NEMP2: variants seen among roughly 807,000 people sequenced by gnomAD.
NEMP2 encodes nuclear envelope integral membrane protein 2.
In NEMP2, 53 loss-of-function variants were observed where a neutral mutation model predicts 54.2. The observed-to-expected ratio is 0.98, with a 90% CI of 0.78 to 1.23. NEMP2 has a LOEUF of 1.23. NEMP2 is among the 50% of genes most tolerant of loss of function. The pLI is 0.00. For synonymous variants in NEMP2, 197 were observed against 190.3 expected (o/e 1.04, Z -0.29); for missense variants, 455 against 511.3 (o/e 0.89, Z 1.06).
chr2:190,442,678 T>A, the NEMP2 span: 1 of 152,128 alleles, frequency 6.6e-6, no homozygotes, highest in Non-Finnish European at 1.5e-5. Flanking sequence ...TCCAGCTTGG[T>A]ATGGTAATTC....
the NEMP2 span, among the ~76,000 whole-genome samples, chr2:190,425,432 A>G: frequency 4.6e-5 from 7 of 152,216 alleles, no homozygotes; most frequent in Non-Finnish European, 8.8e-5. This position sits in a 1 kb window ranked among gnomAD's most constrained non-coding sequence, Gnocchi z 4.3. Flanking sequence ...AAAAGCATTC[A>G]GTCTTTCACC....
chr2:190,500,568 G>A (rs115461928), downstream of NEMP2: 2,264 of 218,006 alleles, frequency 0.01, 57 homozygotes, highest in African/African-American at 0.047. This position sits in a 1 kb window ranked among gnomAD's most constrained non-coding sequence, Gnocchi z 5.3. Flanking sequence ...AAAGTGTTTC[G>A]AGGTGAATGT....
At chr2:190,497,930 T>TA in the NEMP2 span, 2 of 459,654 alleles carry the variant, frequency 4.4e-6, no homozygotes, top group African/African-American at 1.9e-5. This position sits in a 1 kb window ranked among gnomAD's most constrained non-coding sequence, Gnocchi z 5.2. Flanking sequence ...CTTATGGAGT[T>TA]CAGGAAAACT....
the NEMP2 span, among the ~76,000 whole-genome samples, chr2:190,426,516 T>G: frequency 6.6e-6 from 1 of 152,182 alleles, no homozygotes; most frequent in African/African-American, 2.4e-5. The surrounding 1 kb of genome is among the most constrained non-coding windows in gnomAD (Gnocchi z 4.7). Flanking sequence ...GTACAATGCA[T>G]GTTTGTTACA....
the NEMP2 span, among the ~76,000 whole-genome samples, chr2:190,547,515 T>C: frequency 6.6e-6 from 1 of 152,152 alleles, no homozygotes; most frequent in African/African-American, 2.4e-5. This position sits in a 1 kb window ranked among gnomAD's most constrained non-coding sequence, Gnocchi z 6.2. Context: ...AATAGCAAAA[T>C]TGCAAATACT....
chr2:190,605,521 C>T, the NEMP2 span, among the ~76,000 whole-genome samples: 1 of 151,934 alleles, frequency 6.6e-6, no homozygotes, highest in Admixed American at 6.6e-5. Context: ...ACTACAGGCC[C>T]CCACCACCAC....
chr2:190,546,371 T>C, the NEMP2 span, among the ~76,000 whole-genome samples: 1 of 152,246 alleles, frequency 6.6e-6, no homozygotes, highest in East Asian at 1.9e-4. The surrounding 1 kb of genome is among the most constrained non-coding windows in gnomAD (Gnocchi z 5.1). Flanking sequence ...TAATCTAAAG[T>C]GTATGGGAAG....
chr2:190,424,700 C>A, the NEMP2 span, among the ~76,000 whole-genome samples: 15 of 152,142 alleles, frequency 9.9e-5, no homozygotes, highest in Non-Finnish European at 1.8e-4. The surrounding 1 kb of genome is among the most constrained non-coding windows in gnomAD (Gnocchi z 5.9). Flanking sequence ...GGTTACCTTT[C>A]CACCATTGAA....
At chr2:190,489,272 A>G in the NEMP2 span, among the ~76,000 whole-genome samples, 1 of 152,204 alleles carries the variant, frequency 6.6e-6, no homozygotes, top group Non-Finnish European at 1.5e-5. The surrounding 1 kb of genome is among the most constrained non-coding windows in gnomAD (Gnocchi z 6.6). Context: ...CTGTCTTGTC[A>G]TATCTTCCTT....
chr2:190,446,555 T>C, the NEMP2 span, among the ~76,000 whole-genome samples: 45 of 152,320 alleles, frequency 3.0e-4, no homozygotes, highest in African/African-American at 9.9e-4. Flanking sequence ...AAAAAAATTA[T>C]CTGGCAGTGT....
the NEMP2 span, among the ~76,000 whole-genome samples, chr2:190,464,689 C>T: frequency 6.6e-6 from 1 of 152,100 alleles, no homozygotes; most frequent in Non-Finnish European, 1.5e-5. Context: ...AGGGTCTCTC[C>T]TGTGTGGTCC....
chr2:190,525,486 C>A lies in NEMP2; in HGVS notation c.98-108G>T, dbSNP rs1690901070. 1 of 592,880 alleles carries A rather than the reference C, an allele frequency of 1.7e-6. No individual in the cohort carries two copies. The highest frequency in any genetic ancestry group is 3.0e-6 in the Non-Finnish European group (1 of 333,116). 36.7% of individuals were successfully genotyped at this position (592,880 alleles called of 1,614,324 possible). On this transcript the variant is annotated intron_variant, in intron 1 of 8. Coordinates refer to ENST00000409150, the MANE Select transcript of NEMP2 (RefSeq NM_001142645.2). This position sits in a 1 kb window ranked among gnomAD's most constrained non-coding sequence, Gnocchi z 5.0. The stretch of plus-strand genomic sequence containing the variant: ...AGTAGCAGTTTTAACGTTCTATGGC[C>A]AATAAATTCTCCTATATGATAATTA...
At chr2:190,572,833 G>GTTTATATATATATATATA in the NEMP2 span, among the ~76,000 whole-genome samples, 138 of 47,832 alleles carry the variant, frequency 2.9e-3, 30 homozygotes, top group South Asian at 4.8e-3. Context: ...CTTTTCATGA[G>GTTTATATATATATATATA]TATATATATA....
chr2:190,621,528 A>C, the NEMP2 span, among the ~76,000 whole-genome samples: 3 of 152,162 alleles, frequency 2.0e-5, no homozygotes, highest in East Asian at 5.8e-4. Flanking sequence ...TATTGTTAAG[A>C]TTATAGTACT....
At chr2:190,436,574 A>G in the NEMP2 span, 1 of 1,614,200 alleles carries the variant, frequency 6.2e-7, no homozygotes, top group Non-Finnish European at 8.5e-7. The surrounding 1 kb of genome is among the most constrained non-coding windows in gnomAD (Gnocchi z 5.3). Context: ...CTGCCAACAA[A>G]TTCTTCCTTT....
chr2:190,496,950 T>G, the NEMP2 span, among the ~76,000 whole-genome samples: 1 of 152,106 alleles, frequency 6.6e-6, no homozygotes, highest in Non-Finnish European at 1.5e-5. This position sits in a 1 kb window ranked among gnomAD's most constrained non-coding sequence, Gnocchi z 4.7. Flanking sequence ...GACTACAAAT[T>G]GGGTTCATTG....
chr2:190,463,639 A>C, the NEMP2 span, among the ~76,000 whole-genome samples: 6 of 152,194 alleles, frequency 3.9e-5, 1 homozygote, highest in South Asian at 1.0e-3. This position sits in a 1 kb window ranked among gnomAD's most constrained non-coding sequence, Gnocchi z 4.4. Context: ...TGGGCAACAT[A>C]GTGAGACTTT....
the NEMP2 span, among the ~76,000 whole-genome samples, chr2:190,577,525 G>A: frequency 6.6e-6 from 1 of 152,040 alleles, no homozygotes; most frequent in South Asian, 2.1e-4. This position sits in a 1 kb window ranked among gnomAD's most constrained non-coding sequence, Gnocchi z 4.8. Context: ...CCTCACCAAG[G>A]AATAACAAGA....
In NEMP2 at chr2:190,528,363, T is replaced by A. The variant is rs1691015602; in HGVS notation, c.98-2985A>T. On this transcript the variant is annotated intron_variant, in intron 1 of 8. Coordinates refer to ENST00000409150, the MANE Select transcript of NEMP2 (RefSeq NM_001142645.2). The surrounding 1 kb of genome is among the most constrained non-coding windows in gnomAD (Gnocchi z 4.3). Reference sequence around the variant, plus strand: ...GGATCAGATCTCTGGATTCACCTTGTCATGTTCTGCCTTTGCACAGCCTCC... The same window carrying A: ...GGATCAGATCTCTGGATTCACCTTGACATGTTCTGCCTTTGCACAGCCTCC... Among the ~76,000 whole-genome samples the A allele has an allele frequency of 6.6e-6, 1 of 152,178 alleles. No individual in the cohort carries two copies. Among genetic ancestry groups the A allele is most frequent in the Admixed American group, 6.5e-5 (1 of 15,274 alleles).
Sources: gnomAD v4.1 joint callset for allele counts (sites outside exome capture counted in the v4.1 genomes callset) on GRCh38, gnomAD v4.1.1 for gene constraint, Gnocchi (gnomAD v3.1) non-coding constraint, MANE v1.5 for transcripts, NCBI Gene and HGNC (gene_info 2026-07-23, HGNC 2026-07-21) for gene names.